ULK2: variants seen among roughly 807,000 people sequenced by gnomAD.
The protein encoded by ULK2 is serine/threonine-protein kinase ULK2.
ULK2 carries 76 observed loss-of-function variants against 127.5 expected under a neutral mutation model. The observed-to-expected ratio is 0.60, with a 90% confidence interval of 0.50 to 0.72. The LOEUF (loss-of-function observed/expected upper bound fraction) is 0.72. Among genes scored for constraint, ULK2 ranks in the 30% least tolerant of loss-of-function variants. The pLI, the probability that ULK2 is intolerant of heterozygous loss-of-function variation, is 0.00. For synonymous variants in ULK2, 452 were observed against 461.9 expected (o/e 0.98, Z 0.28); for missense variants, 1,144 against 1,295.9 (o/e 0.88, Z 1.80).
intron 9 of ULK2, among the ~76,000 whole-genome samples, chr17:19,839,600 T>C (rs1050628755): frequency 1.4e-5 from 2 of 147,998 alleles, no homozygotes; most frequent in African/African-American, 2.5e-5. Context: ...AGGTGGATGT[T>C]GCAGTGAGCC....
chr17:19,858,314 G>A (rs2042174282), intron 3 of ULK2, among the ~76,000 whole-genome samples: 1 of 151,954 alleles, frequency 6.6e-6, no homozygotes, highest in African/African-American at 2.4e-5. Flanking sequence ...GTGGGAGGAT[G>A]GCTTAAGCCC....
At chr17:19,783,977 C>T in intron 21 of ULK2, 72 bp from the exon 22 acceptor site, 5 of 1,259,452 alleles carry the variant, frequency 4.0e-6, no homozygotes, top group Non-Finnish European at 5.1e-6. Context: ...CTCTTATTTA[C>T]TAAACAAACC....
chr17:19,830,017 T>C (rs1192880053), intron 10 of ULK2, among the ~76,000 whole-genome samples: 1 of 151,948 alleles, frequency 6.6e-6, no homozygotes, highest in East Asian at 1.9e-4. Context: ...CAGTAATGGA[T>C]AGGATAACCA....
At chr17:19,831,092 T>A (rs995204167) in intron 10 of ULK2, among the ~76,000 whole-genome samples, 2 of 151,614 alleles carry the variant, frequency 1.3e-5, no homozygotes, top group African/African-American at 4.9e-5. Context: ...AATTTAGTTC[T>A]CCATGGCTGG....
At chr17:19,865,922 G>A (rs2042342280) in intron 1 of ULK2, 94 bp from the exon 2 acceptor site, 1 of 670,318 alleles carries the variant, frequency 1.5e-6, no homozygotes, top group South Asian at 1.9e-5. Flanking sequence ...GCAAATAAAT[G>A]TACGGCATTG....
chr17:19,783,563 AC>A (rs2086964407), intron 22 of ULK2, 133 bp downstream of exon 22: 2 of 882,494 alleles, frequency 2.3e-6, no homozygotes, highest in Admixed American at 3.2e-5. Context: ...CATCAGCAAT[AC>A]TTTTCAAACA....
Position 19,783,832 on chromosome 17 carries a change from T to C in ULK2, c.2325A>G (p.Pro775=). Residue 775 remains proline, a synonymous_variant, in exon 22 of 27, where the codon CCA becomes CCG. Coordinates refer to ENST00000395544, the MANE Select transcript of ULK2 (RefSeq NM_014683.4). The part of the protein sequence containing the change: ...GRVCVGSPPG[P]GFGSSPPGAE... ...CTCCTGGAGGGGAAGAGCCGAAGCC[T>C]GGGCCAGGCGGGGACCCCACGCACA... is the stretch of plus-strand genomic sequence containing the variant. The C allele has an allele frequency of 6.3e-7, 1 of 1,599,892 alleles. No individual in the cohort carries two copies. Among genetic ancestry groups the C allele is most frequent in the Non-Finnish European group, 8.5e-7 (1 of 1,173,084 alleles).
At chr17:19,817,234 C>T (rs756629101) in intron 12 of ULK2, among the ~76,000 whole-genome samples, 5 of 152,184 alleles carry the variant, frequency 3.3e-5, no homozygotes, top group South Asian at 2.1e-4. Flanking sequence ...CAACATCCCC[C>T]GGTTCTAGCT....
rs757802192 is a variant in ULK2, at chr17:19,865,604, T to A, written c.183+132A>T. On this transcript the variant is annotated intron_variant, in intron 2 of 26. Coordinates refer to ENST00000395544, the MANE Select transcript of ULK2 (RefSeq NM_014683.4). ...ACTCAATGTTTTAAAAAAGTGAGCA[T>A]GCAAAAAGGAGAGCAACAGTTGAAA... is the stretch of plus-strand genomic sequence containing the variant. 2.1e-4 allele frequency: 107 copies of A among 515,324 alleles called. 1 individual carries two copies. The Middle Eastern group carries it at 3.6e-3, about 17-fold the overall frequency. 31.9% of individuals were successfully genotyped at this position (515,324 alleles called of 1,614,324 possible).
At chr17:19,843,096 G>A (rs753087478) in intron 8 of ULK2, 25 bp downstream of exon 8, 2 of 1,536,860 alleles carry the variant, frequency 1.3e-6, no homozygotes, top group Admixed American at 1.7e-5. Context: ...CCAAAACTGA[G>A]GACATAAGAA....
At chr17:19,859,317 C>A (rs2042195738) in intron 3 of ULK2, among the ~76,000 whole-genome samples, 1 of 151,908 alleles carries the variant, frequency 6.6e-6, no homozygotes, top group African/African-American at 2.4e-5. Context: ...AGTTCAAGAC[C>A]AGCCTGGGCA....
chr17:19,789,565 G>A (rs950057818), intron 20 of ULK2, among the ~76,000 whole-genome samples: 3 of 152,010 alleles, frequency 2.0e-5, no homozygotes, highest in African/African-American at 7.2e-5. Context: ...AAGGCACCAG[G>A]GACCAATCAT....
chr17:19,780,174 G>GAA (rs1334582543), intron 25 of ULK2, among the ~76,000 whole-genome samples: 8 of 86,442 alleles, frequency 9.3e-5, no homozygotes, highest in African/African-American at 3.1e-4. Context: ...TCCGTCTCAA[G>GAA]AAAAAAAAAA....
chr17:19,845,216 C>T, intron 7 of ULK2, 88 bp downstream of exon 7: 1 of 1,158,164 alleles, frequency 8.6e-7, no homozygotes, highest in Non-Finnish European at 1.3e-6. Context: ...TGTAAAATCA[C>T]ATCTTATTTG....
chr17:19,777,715 A>C lies in ULK2; in HGVS notation c.2918T>G (p.Val973Gly), dbSNP rs1453359304. 6.3e-7 allele frequency: 1 copy of C among 1,594,934 alleles called. No individual in the cohort carries two copies. The highest frequency in any genetic ancestry group is 1.4e-5 in the African/African-American group (1 of 73,944). The change falls in exon 26 of 27, where the codon GTT (valine) becomes GGT (glycine). Residue 973 changes from valine (V) to glycine (G), a missense_variant and splice_region_variant. Around this residue, in one of 2 missense-constraint regions of ULK2, gnomAD observed 913 missense variants for 970.5 expected, o/e 0.94. Transcript: ENST00000395544. ...CATCTCATCCAGGGCTGCAGACTGA[A>C]CCTGGAACCAGTCAACAAAAACACA... is the stretch of plus-strand genomic sequence containing the variant. ...KLIYNCAVEMVQSAALDEMFQ... is the reference protein window; with the variant it reads ...KLIYNCAVEMGQSAALDEMFQ...
In ULK2 at chr17:19,843,117, C is replaced by T; in HGVS notation, c.645+4G>A. The T allele has an allele frequency of 1.9e-6, 3 of 1,611,834 alleles. No individual in the cohort carries two copies. The South Asian group carries it at 3.3e-5, about 18-fold the overall frequency. On this transcript the variant is annotated splice_donor_region_variant and intron_variant, in intron 8 of 26. Transcript: ENST00000395544. ...CTGAGGACATAAGAAAAAAGTCAGC[C>T]TACCTGAAAAGGTGGTTTTCCAACT...
Position 19,792,721 on chromosome 17 carries a change from C to CA in ULK2, c.2101+2900dup, listed in dbSNP as rs71312907. Among the ~76,000 whole-genome samples, 848 of 150,608 alleles carry CA rather than the reference C, an allele frequency of 5.6e-3. 5 individuals carry two copies. Among genetic ancestry groups the CA allele is most frequent in the Middle Eastern group, 0.01 (3 of 292 alleles). On this transcript the variant is annotated intron_variant, in intron 20 of 26. Transcript: ENST00000395544. ...TGGGCGACAGAGCGAGACTCCGTCT[C>CA]AAAAAAACACAAAAAAACAAACAAA...
intron 25 of ULK2, among the ~76,000 whole-genome samples, chr17:19,780,129 G>A (rs1305022611): frequency 1.3e-5 from 2 of 150,780 alleles, no homozygotes; most frequent in Non-Finnish European, 2.9e-5. Flanking sequence ...AGCTGAGATC[G>A]TGCCACTGTA....
chr17:19,850,301 G>A lies in ULK2; in HGVS notation c.226-527C>T, dbSNP rs887377245. Among the ~76,000 whole-genome samples the A allele has an allele frequency of 8.5e-5, 13 of 152,150 alleles. No homozygotes were observed. In the East Asian group the frequency reaches 2.5e-3, roughly 29 times the overall value. On this transcript the variant is annotated intron_variant, in intron 3 of 26. Coordinates refer to ENST00000395544, the MANE Select transcript of ULK2 (RefSeq NM_014683.4). ...GGCAATCGCATTATCAGCAATTGGT[G>A]GCAAAGGGAAATGTTTTATCACATT...
Sources: allele counts gnomAD v4.1 joint callset (sites outside exome capture counted in the v4.1 genomes callset), GRCh38; gene constraint gnomAD v4.1.1; regional missense constraint gnomAD v4.1.1; transcripts MANE v1.5; gene names NCBI Gene and HGNC (gene_info 2026-07-23, HGNC 2026-07-21).